Variants in ZBTB16 observed in about 807,000 individuals in gnomAD.
The protein encoded by ZBTB16 is zinc finger and BTB domain-containing protein 16.
ZBTB16 carries 8 observed loss-of-function variants against 56.8 expected under a neutral mutation model. The ratio of observed to expected loss-of-function variants is 0.14; its 90% CI spans 0.08 to 0.25. ZBTB16 has a LOEUF of 0.25. Ranked by LOEUF, ZBTB16 falls within the 10% of genes least tolerant of loss-of-function variation. The pLI, the probability that ZBTB16 is intolerant of heterozygous loss-of-function variation, is 1.00. For missense variants in ZBTB16, 625 were observed against 903.0 expected (o/e 0.69, Z 3.95); for synonymous variants, 363 against 368.5 (o/e 0.98, Z 0.17).
At chr11:114,116,022 G>A (rs994401533) in intron 2 of ZBTB16, among the ~76,000 whole-genome samples, 2 of 152,212 alleles carry the variant, frequency 1.3e-5, no homozygotes, top group Admixed American at 6.5e-5. Flanking sequence ...CAGATAGATA[G>A]GTTTAGGTTG....
intron 4 of ZBTB16, among the ~76,000 whole-genome samples, chr11:114,206,360 C>G (rs1439196264): frequency 6.6e-6 from 1 of 152,242 alleles, no homozygotes; most frequent in African/African-American, 2.4e-5. Context: ...GAGAGAGACA[C>G]TGTGGGCTAG....
chr11:114,166,201 C>CGTGTGTGTGTGT lies in ZBTB16; in HGVS notation c.1366+9802_1366+9813dup, dbSNP rs3057730. Among the ~76,000 whole-genome samples, 25 of 134,162 alleles carry CGTGTGTGTGTGT rather than the reference C, an allele frequency of 1.9e-4. 1 individual carries two copies. Among genetic ancestry groups the CGTGTGTGTGTGT allele is most frequent in the African/African-American group, 6.5e-4 (23 of 35,152 alleles). The allele number at this position is 134,162 out of a possible 152,430, so 88.0% of individuals were successfully genotyped here. A position where few individuals can be genotyped will look rare whatever the true frequency, so the allele number is the denominator to read the frequency against. ...TATCGTGGGGCAGAGGACTGGTCTA[C>CGTGTGTGTGTGT]GTGTGTGTGTGTGTGTGTGTGTGTG... is the stretch of plus-strand genomic sequence containing the variant. On this transcript the variant is annotated intron_variant, in intron 3 of 6. Coordinates refer to ENST00000335953, the MANE Select transcript of ZBTB16 (RefSeq NM_006006.6).
chr11:114,127,930 C>T (rs1565640206), intron 2 of ZBTB16, among the ~76,000 whole-genome samples: 1 of 152,148 alleles, frequency 6.6e-6, no homozygotes, highest in Non-Finnish European at 1.5e-5. Context: ...TTGGTGCCGT[C>T]TCCCCCTTGG....
chr11:114,077,764 C>G (rs1365700303), intron 2 of ZBTB16, among the ~76,000 whole-genome samples: 1 of 152,222 alleles, frequency 6.6e-6, no homozygotes, highest in African/African-American at 2.4e-5. Flanking sequence ...AGAACCTTCT[C>G]CAGGTTCCTG....
At chr11:114,062,297 T>G (rs1938912225) in intron 1 of ZBTB16, among the ~76,000 whole-genome samples, 1 of 151,972 alleles carries the variant, frequency 6.6e-6, no homozygotes, top group Non-Finnish European at 1.5e-5. Flanking sequence ...GAGACGGGGC[T>G]TCTCCATGTT....
chr11:114,190,504 G>T (rs620095), intron 4 of ZBTB16, among the ~76,000 whole-genome samples: 37,533 of 151,940 alleles, frequency 0.25, 5,771 homozygotes, highest in African/African-American at 0.45. Flanking sequence ...TCCTGTACAT[G>T]ACTTCAAAAC....
chr11:114,133,746 C>T (rs1941729396), intron 2 of ZBTB16, among the ~76,000 whole-genome samples: 1 of 152,182 alleles, frequency 6.6e-6, no homozygotes, highest in Non-Finnish European at 1.5e-5. Context: ...AATTGCTCCC[C>T]TGGTGGCCCA....
chr11:114,240,537 G>A (rs116515245), intron 4 of ZBTB16, among the ~76,000 whole-genome samples: 11 of 148,596 alleles, frequency 7.4e-5, no homozygotes, highest in East Asian at 6.1e-4. Flanking sequence ...AGGGGACAGC[G>A]GTGTGGGGCC....
At chr11:114,167,413 C>A in intron 3 of ZBTB16, among the ~76,000 whole-genome samples, 1 of 42,392 alleles carries the variant, frequency 2.4e-5, no homozygotes, top group Admixed American at 4.1e-4. Flanking sequence ...AATTCTCCCT[C>A]TACCCCTTGC....
At chr11:114,140,433 A>G (rs1005042241) in intron 2 of ZBTB16, among the ~76,000 whole-genome samples, 4 of 152,190 alleles carry the variant, frequency 2.6e-5, no homozygotes, top group South Asian at 2.1e-4. Flanking sequence ...ATCCTTCACT[A>G]TGCCAAATAA....
chr11:114,248,597 G>A (rs112104481), intron 6 of ZBTB16, among the ~76,000 whole-genome samples: 1 of 152,316 alleles, frequency 6.6e-6, no homozygotes, highest in Non-Finnish European at 1.5e-5. Context: ...CCAGAGGAAG[G>A]GGGAGAGGTG....
chr11:114,079,113 A>C (rs1195663510), intron 2 of ZBTB16, among the ~76,000 whole-genome samples: 1 of 105,084 alleles, frequency 9.5e-6, no homozygotes, highest in East Asian at 2.4e-4. Flanking sequence ...AAAAAAAAAA[A>C]GAAGAAGAAG....
Position 114,063,527 on chromosome 11 carries a change from C to T in ZBTB16, c.227C>T (p.Ser76Leu), listed in dbSNP as rs904248155. The T allele has an allele frequency of 1.2e-6, 2 of 1,614,224 alleles. No homozygotes were observed. Among genetic ancestry groups the T allele is most frequent in the South Asian group, 1.1e-5 (1 of 91,078 alleles). The change falls in exon 2 of 7, where the codon TCG becomes TTG. Residue 76 changes from serine to leucine, a missense_variant. Around this residue, in one of 6 missense-constraint regions of ZBTB16, gnomAD observed 54 missense variants for 159.4 expected, o/e 0.34. Transcript: ENST00000335953. The surrounding 1 kb of genome is among the most constrained non-coding windows in gnomAD (Gnocchi z 6.5). ...NSQHYTLDFLSPKTFQQILEY... is the reference protein window; with the variant it reads ...NSQHYTLDFLLPKTFQQILEY... ...CAACACTATACTTTGGACTTCCTCT[C>T]GCCAAAGACCTTCCAGCAGATTCTG...
chr11:114,240,526 CAG>C (rs1343878287), intron 4 of ZBTB16, among the ~76,000 whole-genome samples: 2 of 150,676 alleles, frequency 1.3e-5, no homozygotes, highest in Middle Eastern at 3.4e-3. Flanking sequence ...CCTTCCCACA[CAG>C]GGGACAGCGG....
intron 5 of ZBTB16, among the ~76,000 whole-genome samples, chr11:114,245,194 C>T (rs919957375): frequency 6.6e-6 from 1 of 152,192 alleles, no homozygotes; most frequent in Non-Finnish European, 1.5e-5. Context: ...CCAGGCAGTC[C>T]GCATGGCTCT....
intron 4 of ZBTB16, among the ~76,000 whole-genome samples, chr11:114,241,521 TA>T (rs1944702484): frequency 6.6e-6 from 1 of 152,200 alleles, no homozygotes; most frequent in Non-Finnish European, 1.5e-5. Context: ...TATGAGAGTC[TA>T]ATGATAAATG....
rs114870220 is a variant in ZBTB16, at chr11:114,110,380, G to A, written c.1268+45812G>A. ...TCTGACCTGGGAAGTTTTCTTTTTC[G>A]TAGGGGAATCTAGAAATACTCCAGG... On this transcript the variant is annotated intron_variant, in intron 2 of 6. Coordinates refer to ENST00000335953, the MANE Select transcript of ZBTB16 (RefSeq NM_006006.6). Among the ~76,000 whole-genome samples, 1,202 of 152,274 alleles carry A rather than the reference G, an allele frequency of 7.9e-3. 16 individuals carry two copies. Among genetic ancestry groups the A allele is most frequent in the African/African-American group, 0.026 (1,067 of 41,560 alleles).
chr11:114,184,705 T>C (rs1469304249), intron 3 of ZBTB16, among the ~76,000 whole-genome samples: 12 of 152,216 alleles, frequency 7.9e-5, no homozygotes. Flanking sequence ...TAAATGGTGG[T>C]TGTTGGGACA....
chr11:114,223,413 A>G (rs1316963746), intron 4 of ZBTB16, among the ~76,000 whole-genome samples: 3 of 152,172 alleles, frequency 2.0e-5, no homozygotes, highest in African/African-American at 7.2e-5. Flanking sequence ...TTGAGAGAGG[A>G]GAGTAAGCCA....
Sources: allele counts gnomAD v4.1 joint callset (sites outside exome capture counted in the v4.1 genomes callset), GRCh38; gene constraint gnomAD v4.1.1; regional missense constraint gnomAD v4.1.1; non-coding constraint Gnocchi (gnomAD v3.1); transcripts MANE v1.5; gene names NCBI Gene and HGNC (gene_info 2026-07-23, HGNC 2026-07-21).